The following INPP4B variants were observed in gnomAD, a reference collection of about 807,000 sequenced individuals.
INPP4B encodes inositol polyphosphate 4-phosphatase type II.
INPP4B carries 55 observed loss-of-function variants against 122.5 expected under a neutral mutation model. That is an observed-to-expected ratio of 0.45 (90% confidence interval 0.36 to 0.56). INPP4B has a LOEUF of 0.56. Among genes scored for constraint, INPP4B ranks in the 20% least tolerant of loss-of-function variants. The pLI is 0.00. For synonymous variants in INPP4B, 403 were observed against 388.7 expected, an observed-to-expected ratio of 1.04 and a Z score of -0.43; for missense variants, 1,000 against 1,097.7, an observed-to-expected ratio of 0.91 and a Z score of 1.26.
intron 25 of INPP4B, among the ~76,000 whole-genome samples, chr4:142,069,334 T>C (rs2152473690): frequency 6.6e-6 from 1 of 152,214 alleles, no homozygotes; most frequent in Middle Eastern, 3.4e-3. Flanking sequence ...TTTAAAGCAG[T>C]GTGTAGAGGG....
At chr4:142,371,819 T>C (rs182421031) in intron 7 of INPP4B, among the ~76,000 whole-genome samples, 35 of 151,364 alleles carry the variant, frequency 2.3e-4, no homozygotes, top group African/African-American at 8.5e-4. Context: ...GGAGCTCTTA[T>C]ACACTATGGT....
intron 16 of INPP4B, among the ~76,000 whole-genome samples, chr4:142,170,613 A>C (rs936533040): frequency 6.6e-6 from 1 of 151,878 alleles, no homozygotes; most frequent in East Asian, 1.9e-4. Context: ...GGAAGACTAC[A>C]TGTTAAAATA....
chr4:142,206,183 G>A (rs945224680), intron 14 of INPP4B, among the ~76,000 whole-genome samples: 11 of 151,998 alleles, frequency 7.2e-5, no homozygotes, highest in African/African-American at 2.7e-4. Context: ...TTTTATCATG[G>A]CATTAATTCA....
At chr4:142,703,084 G>A (rs539277627) in intron 2 of INPP4B, among the ~76,000 whole-genome samples, 3 of 152,240 alleles carry the variant, frequency 2.0e-5, no homozygotes, top group Admixed American at 2.0e-4. Context: ...AAGACAATAT[G>A]TAATGATTAA....
At chr4:142,228,740 GATA>G (rs991609112) in intron 12 of INPP4B, among the ~76,000 whole-genome samples, 11 of 151,514 alleles carry the variant, frequency 7.3e-5, no homozygotes, top group Admixed American at 1.3e-4. Context: ...TACAATTAGA[GATA>G]ATATTTGAAA....
intron 14 of INPP4B, among the ~76,000 whole-genome samples, chr4:142,196,613 T>C (rs2322543): frequency 0.88 from 133,242 of 152,098 alleles, 59,166 homozygotes; most frequent in East Asian, 0.96. Context: ...TTCCCCATTT[T>C]CTGTCAGGAT....
At chr4:142,638,943 G>A (rs1749772236) in intron 2 of INPP4B, among the ~76,000 whole-genome samples, 1 of 152,094 alleles carries the variant, frequency 6.6e-6, no homozygotes, top group Non-Finnish European at 1.5e-5. Context: ...AAGTGATGAT[G>A]TTTCCTAATA....
chr4:142,204,795 C>T (rs35107973), intron 14 of INPP4B, among the ~76,000 whole-genome samples: 13,787 of 151,954 alleles, frequency 0.091, 833 homozygotes, highest in South Asian at 0.21. Flanking sequence ...CAGGAAGGGA[C>T]GAGGAAGGAT....
In INPP4B at chr4:142,665,589, C is replaced by A. The variant is rs917416313; in HGVS notation, c.-191+60250G>T. On this transcript the variant is annotated intron_variant, in intron 2 of 25. Coordinates refer to ENST00000262992, the MANE Select transcript of INPP4B (RefSeq NM_001101669.3). ...TGTGTCAAAGATTTACCTACAAGGT[C>A]ATTCACTGCAGTTTTGTTTACTAAT... Among the ~76,000 whole-genome samples the A allele has an allele frequency of 2.2e-4, 33 of 151,570 alleles. 1 individual carries two copies. Among genetic ancestry groups the A allele is most frequent in the African/African-American group, 7.8e-4 (32 of 41,272 alleles).
At chr4:142,225,859 T>C (rs1851307746) in intron 12 of INPP4B, among the ~76,000 whole-genome samples, 1 of 152,170 alleles carries the variant, frequency 6.6e-6, no homozygotes, top group African/African-American at 2.4e-5. Context: ...TTTCTAACAC[T>C]GTTTTAGGCC....
intron 25 of INPP4B, among the ~76,000 whole-genome samples, chr4:142,081,257 C>T (rs969298446): frequency 6.6e-6 from 1 of 152,174 alleles, no homozygotes; most frequent in Non-Finnish European, 1.5e-5. Context: ...CTGTCCCATG[C>T]TTCCTAGTGT....
chr4:142,695,955 G>T (rs910451299), intron 2 of INPP4B, among the ~76,000 whole-genome samples: 21 of 152,268 alleles, frequency 1.4e-4, no homozygotes, highest in African/African-American at 5.1e-4. Flanking sequence ...GGCGGGCCAG[G>T]ATAATCCAAA....
intron 2 of INPP4B, among the ~76,000 whole-genome samples, chr4:142,621,338 T>A (rs1477315685): frequency 6.6e-6 from 1 of 151,830 alleles, no homozygotes. Context: ...TAGAAAATTA[T>A]ATCTGTTTAG....
chr4:142,373,247 G>A (rs1790571554), intron 7 of INPP4B, among the ~76,000 whole-genome samples: 1 of 151,978 alleles, frequency 6.6e-6, no homozygotes, highest in Admixed American at 6.6e-5. Flanking sequence ...GAAAGTGTTT[G>A]AGATGAATAG....
Position 142,123,368 on chromosome 4 carries a change from C to G in INPP4B, c.1941G>C (p.Leu647=), listed in dbSNP as rs757035389. The G allele has an allele frequency of 1.9e-6, 3 of 1,612,984 alleles. No homozygotes were observed. The highest frequency in any genetic ancestry group is 2.5e-6 in the Non-Finnish European group (3 of 1,179,376). ...GCTGCTGTAGGAAGCCTGGGTCATA[C>G]AGACTTGTCTGTAATTTGATGATAA... is the stretch of plus-strand genomic sequence containing the variant. ...CGFIIKLQTS[L]YDPGFLQQLH... The change falls in exon 20 of 26, where the codon CTG becomes CTC. Residue 647 remains leucine (L), a synonymous_variant. Coordinates refer to ENST00000262992, the MANE Select transcript of INPP4B (RefSeq NM_001101669.3).
chr4:142,095,939 A>G (rs1465500354), intron 23 of INPP4B: 1 of 152,208 alleles, frequency 6.6e-6, no homozygotes, highest in Admixed American at 6.5e-5. Context: ...TAGTCACAGA[A>G]ATTGACAGTG....
At chr4:142,543,345 A>G (rs777994581) in intron 2 of INPP4B, among the ~76,000 whole-genome samples, 8 of 152,184 alleles carry the variant, frequency 5.3e-5, no homozygotes, top group Non-Finnish European at 7.4e-5. Flanking sequence ...TTTGGTAAAT[A>G]TGAGTGCTTC....
intron 23 of INPP4B, among the ~76,000 whole-genome samples, chr4:142,090,396 A>T (rs994952648): frequency 1.4e-5 from 2 of 147,614 alleles, no homozygotes; most frequent in African/African-American, 5.0e-5. Flanking sequence ...GGTTGCTGCC[A>T]TTTTTTTTTT....
In INPP4B at chr4:142,475,529, T is replaced by A. The variant is rs117387399; in HGVS notation, c.-190-12803A>T. Reference sequence around the variant, plus strand: ...AATGTCAGAAATAGAGTTCAGAATATGGATTGGAATGAAGATTATCGACAT... The same window carrying A: ...AATGTCAGAAATAGAGTTCAGAATAAGGATTGGAATGAAGATTATCGACAT... On this transcript the variant is annotated intron_variant, in intron 2 of 25. Coordinates refer to ENST00000262992, the MANE Select transcript of INPP4B (RefSeq NM_001101669.3). Among the ~76,000 whole-genome samples, 1,497 of 152,202 alleles carry A rather than the reference T, an allele frequency of 9.8e-3. 78 individuals are homozygous for A. In the East Asian group the frequency reaches 0.14, roughly 15 times the overall value.
Sources: allele counts gnomAD v4.1 joint callset (sites outside exome capture counted in the v4.1 genomes callset), GRCh38; gene constraint gnomAD v4.1.1; transcripts MANE v1.5; gene names NCBI Gene and HGNC (gene_info 2026-07-23, HGNC 2026-07-21).